The following DLG2 variants were observed in gnomAD, a reference collection of about 807,000 sequenced individuals.
DLG2 encodes the protein discs large MAGUK scaffold protein 2.
Under a neutral mutation model 132.5 loss-of-function variants are expected in DLG2, and 45 were observed. The ratio of observed to expected loss-of-function variants is 0.34; its 90% CI spans 0.27 to 0.44. The LOEUF is 0.44. DLG2 is among the 20% of genes least tolerant of loss of function. The probability of loss-of-function intolerance (pLI) is 1.00; values close to 1 mark genes in which losing one functional copy is unlikely to be tolerated. For synonymous variants in DLG2, 424 were observed against 419.6 expected (o/e 1.01, Z -0.13); for missense variants, 1,045 against 1,196.9 (o/e 0.87, Z 1.87).
chr11:83,594,642 G>T (rs1438583937), intron 19 of DLG2, among the ~76,000 whole-genome samples: 4 of 152,138 alleles, frequency 2.6e-5, no homozygotes, highest in Non-Finnish European at 5.9e-5. Context: ...CATGTATAAA[G>T]GATACTTAGA....
At chr11:84,002,514 C>T (rs115306960) in intron 11 of DLG2, among the ~76,000 whole-genome samples, 214 of 152,260 alleles carry the variant, frequency 1.4e-3, no homozygotes, top group African/African-American at 5.0e-3. Flanking sequence ...AACTTCAGTT[C>T]TTGACATCTG....
chr11:84,349,754 T>A (rs1324175032), intron 7 of DLG2, among the ~76,000 whole-genome samples: 2 of 152,196 alleles, frequency 1.3e-5, no homozygotes, highest in African/African-American at 4.8e-5. Flanking sequence ...TATACACCAA[T>A]GTGGTCACTT....
chr11:83,868,463 T>C (rs904196861), intron 16 of DLG2, among the ~76,000 whole-genome samples: 47 of 152,244 alleles, frequency 3.1e-4, no homozygotes, highest in African/African-American at 1.0e-3. Flanking sequence ...ACTCTTCAGC[T>C]GACAGGAAAG....
chr11:85,313,164 C>A (rs1478473108), intron 3 of DLG2, among the ~76,000 whole-genome samples: 1 of 151,830 alleles, frequency 6.6e-6, no homozygotes, highest in South Asian at 2.1e-4. Context: ...GGGGAAAAAA[C>A]CTTTTTACAG....
intron 6 of DLG2, among the ~76,000 whole-genome samples, chr11:84,651,667 G>C (rs1197761329): frequency 1.3e-5 from 2 of 152,320 alleles, no homozygotes; most frequent in Non-Finnish European, 2.9e-5. Context: ...ATGTTGATAT[G>C]ATGGCATTTG....
intron 6 of DLG2, among the ~76,000 whole-genome samples, chr11:85,005,954 A>T (rs972298129): frequency 3.9e-5 from 6 of 152,198 alleles, no homozygotes; most frequent in Non-Finnish European, 7.3e-5. Context: ...ATTTTATCGA[A>T]GGCCTTTTCT....
chr11:83,607,764 T>C (rs528505311), intron 19 of DLG2, among the ~76,000 whole-genome samples: 3 of 152,266 alleles, frequency 2.0e-5, no homozygotes, highest in Admixed American at 6.5e-5. Flanking sequence ...ATTCATGTAA[T>C]GGAATAATAC....
intron 8 of DLG2, among the ~76,000 whole-genome samples, chr11:84,210,048 A>G (rs2096731002): frequency 6.6e-6 from 1 of 152,048 alleles, no homozygotes; most frequent in Admixed American, 6.6e-5. Flanking sequence ...TTTGGGAGGC[A>G]GAGGCGGGAA....
intron 3 of DLG2, among the ~76,000 whole-genome samples, chr11:85,325,287 G>C (rs1445231417): frequency 6.6e-6 from 1 of 152,238 alleles, no homozygotes; most frequent in Non-Finnish European, 1.5e-5. Context: ...AAGGAGGCCT[G>C]TCTGCCTCTG....
At chr11:84,092,310 T>C (rs923091871) in intron 10 of DLG2, among the ~76,000 whole-genome samples, 1 of 152,242 alleles carries the variant, frequency 6.6e-6, no homozygotes, top group African/African-American at 2.4e-5. Context: ...GCTGGCTCTA[T>C]AGATAACAGA....
chr11:84,244,893 G>A (rs1002778805), intron 8 of DLG2, among the ~76,000 whole-genome samples: 6 of 152,116 alleles, frequency 3.9e-5, no homozygotes, highest in African/African-American at 1.4e-4. Context: ...GGCAATTATG[G>A]AAAATGGTCC....
At chr11:84,706,680 C>T (rs2153749769) in intron 6 of DLG2, among the ~76,000 whole-genome samples, 1 of 137,974 alleles carries the variant, frequency 7.2e-6, no homozygotes, top group East Asian at 2.4e-4. Context: ...AGTAAATAAA[C>T]AAGAAAACAG....
At chr11:84,240,045 G>C (rs1433807463) in intron 8 of DLG2, among the ~76,000 whole-genome samples, 2 of 152,114 alleles carry the variant, frequency 1.3e-5, no homozygotes, top group African/African-American at 4.8e-5. Flanking sequence ...TCTAGGAATG[G>C]CTTTGTGCCT....
intron 4 of DLG2, among the ~76,000 whole-genome samples, chr11:85,216,869 T>G (rs2082644257): frequency 6.6e-6 from 1 of 152,030 alleles, no homozygotes; most frequent in South Asian, 2.1e-4. Flanking sequence ...CTAATTTTTG[T>G]GTTTTTATTA....
intron 6 of DLG2, among the ~76,000 whole-genome samples, chr11:84,939,371 C>A (rs555832032): frequency 1.2e-4 from 19 of 152,148 alleles, no homozygotes; most frequent in Admixed American, 2.6e-4. Context: ...GTATCTATCA[C>A]CTCAAGGATT....
intron 25 of DLG2, among the ~76,000 whole-genome samples, 157 bp downstream of exon 25, chr11:83,469,044 A>G (rs553264651): frequency 6.6e-6 from 1 of 151,836 alleles, no homozygotes; most frequent in Non-Finnish European, 1.5e-5. Context: ...GATTAATGAC[A>G]TTGCTCTAAG....
At chr11:83,948,034 A>G (rs147588946) in intron 14 of DLG2, among the ~76,000 whole-genome samples, 184 of 152,350 alleles carry the variant, frequency 1.2e-3, no homozygotes, top group African/African-American at 3.7e-3. Flanking sequence ...TACTAGTACT[A>G]TTATAAATTC....
chr11:84,975,963 C>A (rs1333371834), intron 6 of DLG2, among the ~76,000 whole-genome samples: 5 of 152,164 alleles, frequency 3.3e-5, no homozygotes, highest in South Asian at 2.1e-4. Flanking sequence ...CCCTTTCATT[C>A]CTCACTTTCT....
chr11:85,409,508 G>GA (rs1414744708), intron 3 of DLG2, among the ~76,000 whole-genome samples: 4 of 151,850 alleles, frequency 2.6e-5, no homozygotes, highest in Admixed American at 6.6e-5. Flanking sequence ...TATTAAAGGA[G>GA]AAAAAAATGG....
Sources: gnomAD v4.1 joint callset for allele counts (sites outside exome capture counted in the v4.1 genomes callset) on GRCh38, gnomAD v4.1.1 for gene constraint, MANE v1.5 for transcripts, NCBI Gene and HGNC (gene_info 2026-07-23, HGNC 2026-07-21) for gene names.